The following CNOT1 variants were observed in gnomAD, a reference collection of about 807,000 sequenced individuals.
The protein encoded by CNOT1 is CCR4-NOT transcription complex subunit 1, also known as CCR4-associated factor 1.
CNOT1 carries 15 observed loss-of-function variants against 273.8 expected under a neutral mutation model. The ratio of observed to expected loss-of-function variants is 0.05; its 90% CI spans 0.04 to 0.08. CNOT1 has a LOEUF of 0.08. Ranked by LOEUF, CNOT1 falls within the 10% of genes least tolerant of loss-of-function variation. The pLI is 1.00. For missense variants in CNOT1, 1,644 were observed against 2,912.2 expected (o/e 0.56, Z 10.02); for synonymous variants, 1,022 against 1,005.5 (o/e 1.02, Z -0.31).
intron 17 of CNOT1, 80 bp downstream of exon 17, chr16:58,560,132 C>A (rs927949996): frequency 1.3e-6 from 2 of 1,548,472 alleles, no homozygotes; most frequent in African/African-American, 2.8e-5. Flanking sequence ...TAAATTCAGA[C>A]AATTTATTAA....
At chr16:58,555,955 C>T (rs1408755966) in intron 19 of CNOT1, 47 bp from the exon 20 acceptor site, 1 of 1,599,658 alleles carries the variant, frequency 6.3e-7, no homozygotes, top group Admixed American at 1.7e-5. Context: ...GCCCTTCCTC[C>T]ACTTCCCCAT....
intron 19 of CNOT1, 146 bp from the exon 20 acceptor site, chr16:58,556,054 T>C: frequency 7.1e-7 from 1 of 1,409,560 alleles, no homozygotes; most frequent in South Asian, 1.5e-5. Flanking sequence ...CAAGTTTCAG[T>C]ATTAATGTGT....
chr16:58,606,931 GA>G (rs1301132311), intron 1 of CNOT1, among the ~76,000 whole-genome samples: 7 of 148,096 alleles, frequency 4.7e-5, no homozygotes, highest in Admixed American at 1.3e-4. Context: ...CTGGGGGGGG[GA>G]AAGGATTATA....
intron 1 of CNOT1, among the ~76,000 whole-genome samples, chr16:58,600,320 G>C (rs2042415472): frequency 6.6e-6 from 1 of 151,974 alleles, no homozygotes; most frequent in Non-Finnish European, 1.5e-5. Context: ...TGAGAAAGTG[G>C]TACTCGGTCT....
At chr16:58,526,709 G>A (rs1414502939) in intron 44 of CNOT1, among the ~76,000 whole-genome samples, 5 of 151,642 alleles carry the variant, frequency 3.3e-5, no homozygotes, top group Non-Finnish European at 5.9e-5. Context: ...CCAGCTGCTC[G>A]GGAGTCTGAG....
intron 47 of CNOT1, 106 bp from the exon 48 acceptor site, chr16:58,521,423 CAA>C: frequency 8.9e-7 from 1 of 1,128,662 alleles, no homozygotes. Context: ...GAACCACATG[CAA>C]AAGTTTTCAC....
chr16:58,550,868 G>T (rs7199856), intron 24 of CNOT1, among the ~76,000 whole-genome samples: 114,643 of 152,090 alleles, frequency 0.75, 43,616 homozygotes, highest in Middle Eastern at 0.86. Context: ...AGAAAATGAG[G>T]TATGACTAAT....
chr16:58,580,515 GT>G (rs2041621056), intron 12 of CNOT1, 117 bp downstream of exon 12: 6 of 1,397,550 alleles, frequency 4.3e-6, no homozygotes, highest in Non-Finnish European at 5.6e-6. Context: ...GATAAGTAAG[GT>G]CACTAAAACT....
At chr16:58,561,365 A>G (rs1157074561) in intron 16 of CNOT1, among the ~76,000 whole-genome samples, 1 of 152,226 alleles carries the variant, frequency 6.6e-6, no homozygotes, top group Non-Finnish European at 1.5e-5. Context: ...AACATTCCAT[A>G]GCTTCAACCA....
chr16:58,615,293 TCAC>T (rs2043036331), intron 1 of CNOT1, among the ~76,000 whole-genome samples: 1 of 125,712 alleles, frequency 8.0e-6, no homozygotes, highest in African/African-American at 2.7e-5. Flanking sequence ...GGCTAGATGC[TCAC>T]CAAACTGCTT....
intron 17 of CNOT1, among the ~76,000 whole-genome samples, chr16:58,559,092 T>G (rs2040743688): frequency 1.3e-5 from 2 of 152,228 alleles, no homozygotes; most frequent in South Asian, 4.1e-4. Context: ...TTATACAGTT[T>G]TTTTAAAAGA....
intron 42 of CNOT1, 107 bp downstream of exon 42, chr16:58,531,848 GGAA>G: frequency 7.6e-7 from 1 of 1,309,378 alleles, no homozygotes; most frequent in Non-Finnish European, 1.0e-6. Flanking sequence ...AACTAAGTTT[GGAA>G]GAAGTACAAT....
chr16:58,597,474 C>CAA, intron 2 of CNOT1: 1 of 176,392 alleles, frequency 5.7e-6, no homozygotes, highest in South Asian at 9.5e-5. Context: ...AACTCTGTCT[C>CAA]AAAAAAAAAA....
chr16:58,531,898 C>A, intron 42 of CNOT1, 60 bp downstream of exon 42: 1 of 1,579,564 alleles, frequency 6.3e-7, no homozygotes, highest in South Asian at 1.1e-5. Flanking sequence ...ATAGGCAATG[C>A]TAATAAATAA....
chr16:58,565,635 A>G (rs933341158), intron 16 of CNOT1, among the ~76,000 whole-genome samples: 2 of 151,826 alleles, frequency 1.3e-5, no homozygotes, highest in Non-Finnish European at 2.9e-5. Flanking sequence ...GTTCTTCTTG[A>G]CTTTATTTTT....
intron 6 of CNOT1, 90 bp downstream of exon 6, chr16:58,587,111 C>T: frequency 6.8e-7 from 1 of 1,481,366 alleles, no homozygotes; most frequent in Non-Finnish European, 9.1e-7. Flanking sequence ...GATTATCTTA[C>T]TCTCTAAGTC....
In CNOT1 at chr16:58,526,000, T is replaced by G; in HGVS notation, c.6592A>C (p.Ser2198Arg). Residue 2198 changes from serine to arginine, a missense_variant, in exon 45 of 49, where the codon AGC (serine) becomes CGC (arginine). Ser to Arg is a moderately radical substitution (Grantham distance 110). Around this residue, in one of 13 missense-constraint regions of CNOT1, gnomAD observed 140 missense variants for 324.6 expected, o/e 0.43. Coordinates refer to ENST00000317147, the MANE Select transcript of CNOT1 (RefSeq NM_016284.5). ...CCAAACCAATTAACCTGTAGGTTGCTGCGCAGATCAGACAGGAAAGTGACT... is the reference window on the plus strand; with the variant it reads ...CCAAACCAATTAACCTGTAGGTTGCGGCGCAGATCAGACAGGAAAGTGACT... ...SPVTFLSDLRSNLQVSNEPGN... is the reference protein window; with the variant it reads ...SPVTFLSDLRRNLQVSNEPGN... 6.2e-7 allele frequency: 1 copy of G among 1,614,112 alleles called. No homozygotes were observed. Among genetic ancestry groups the G allele is most frequent in the South Asian group, 1.1e-5 (1 of 91,076 alleles).
intron 1 of CNOT1, among the ~76,000 whole-genome samples, chr16:58,608,553 C>CAAAAAAA (rs11397997): frequency 7.7e-6 from 1 of 129,810 alleles, no homozygotes; most frequent in Non-Finnish European, 1.6e-5. Flanking sequence ...GACTCTGTCT[C>CAAAAAAA]AAAAAAAAAA....
At chr16:58,603,749 C>CCT (rs919315349) in intron 1 of CNOT1, among the ~76,000 whole-genome samples, 34 of 152,172 alleles carry the variant, frequency 2.2e-4, no homozygotes, top group African/African-American at 6.5e-4. Context: ...TGGCTAACTA[C>CCT]CTCTCTTTAA....
Sources: gnomAD v4.1 joint callset for allele counts (sites outside exome capture counted in the v4.1 genomes callset) on GRCh38, gnomAD v4.1.1 for gene constraint, gnomAD v4.1.1 regional missense constraint, MANE v1.5 for transcripts, NCBI Gene and HGNC (gene_info 2026-07-23, HGNC 2026-07-21) for gene names.